The following CKAP2 variants were observed in gnomAD, a reference collection of about 807,000 sequenced individuals.
The protein encoded by CKAP2 is cytoskeleton associated protein 2.
Under a neutral mutation model 58.4 loss-of-function variants are expected in CKAP2, and 46 were observed. The observed-to-expected ratio is 0.79, with a 90% CI of 0.62 to 1.01. The LOEUF (loss-of-function observed/expected upper bound fraction) is 1.01. Among genes scored for constraint, CKAP2 ranks in the 50% least tolerant of loss-of-function variants. The pLI is 0.00. For missense variants in CKAP2, 809 were observed against 796.4 expected, an observed-to-expected ratio of 1.02 and a Z score of -0.19; for synonymous variants, 293 against 280.9, an observed-to-expected ratio of 1.04 and a Z score of -0.43.
At chr13:52,467,781 A>G (rs910955207) in intron 6 of CKAP2, among the ~76,000 whole-genome samples, 1 of 150,664 alleles carries the variant, frequency 6.6e-6, no homozygotes, top group Non-Finnish European at 1.5e-5. Flanking sequence ...AAAGACAGCC[A>G]TTTTTCGTTT....
At chr13:52,462,275 T>A (rs1958597743) in intron 4 of CKAP2, 88 bp from the exon 5 acceptor site, 6 of 1,217,586 alleles carry the variant, frequency 4.9e-6, no homozygotes, top group Non-Finnish European at 3.5e-6. Flanking sequence ...GTAAGATTAC[T>A]TAAAAATATG....
intron 2 of CKAP2, among the ~76,000 whole-genome samples, chr13:52,457,220 A>G (rs1958501745): frequency 6.6e-6 from 1 of 152,198 alleles, no homozygotes; most frequent in East Asian, 1.9e-4. Context: ...TACGTAAATT[A>G]ATTCACAGTC....
chr13:52,456,350 T>C (rs1432977075), intron 1 of CKAP2, among the ~76,000 whole-genome samples, 173 bp from the exon 2 acceptor site: 1 of 152,220 alleles, frequency 6.6e-6, no homozygotes, highest in Non-Finnish European at 1.5e-5. Context: ...AACAGTCTCT[T>C]CTAAGGTGAT....
Position 52,475,147 on chromosome 13 carries a change from A to G in CKAP2, c.*6A>G. On this transcript the variant is annotated 3_prime_UTR_variant, in exon 9 of 9. Coordinates refer to ENST00000258607, the MANE Select transcript of CKAP2 (RefSeq NM_018204.5). ...ATGAGGCTGATACAACATAAGAGAA[A>G]TAAAGCTCTGTTAGGGAATGGGGTT... 6.2e-7 allele frequency: 1 copy of G among 1,610,134 alleles called. No homozygotes were observed. The highest frequency in any genetic ancestry group is 8.5e-7 in the Non-Finnish European group (1 of 1,177,866).
chr13:52,468,226 T>G, intron 6 of CKAP2, 52 bp from the exon 7 acceptor site: 1 of 1,103,910 alleles, frequency 9.1e-7, no homozygotes, highest in Non-Finnish European at 1.3e-6. Context: ...CTAGTTAATG[T>G]CAGAGAAAAT....
rs1466468066 is a variant in CKAP2, at chr13:52,459,414, G to A, written c.156-1485G>A. 6.6e-5 allele frequency among the ~76,000 whole-genome samples: 10 copies of A among 151,988 alleles called. No individual in the cohort carries two copies. The South Asian group carries it at 1.5e-3, about 22-fold the overall frequency. On this transcript the variant is annotated intron_variant, in intron 2 of 8. Coordinates refer to ENST00000258607, the MANE Select transcript of CKAP2 (RefSeq NM_018204.5). Reference sequence around the variant, plus strand: ...CTCAGCTCACTGCAACCTCTGCCTCGTGGGTTCAAGCGATTCTCCTGCCTC... The same window carrying A: ...CTCAGCTCACTGCAACCTCTGCCTCATGGGTTCAAGCGATTCTCCTGCCTC...
At chr13:52,473,514 T>C (rs12871221) in intron 7 of CKAP2, 46,942 of 226,840 alleles carry the variant, frequency 0.21, 5,614 homozygotes, top group South Asian at 0.32. Flanking sequence ...AGTACTCATT[T>C]TTAAGACCCA....
intron 6 of CKAP2, among the ~76,000 whole-genome samples, chr13:52,467,532 ACT>A (rs1238501812): frequency 6.6e-6 from 1 of 151,856 alleles, no homozygotes; most frequent in Non-Finnish European, 1.5e-5. Flanking sequence ...GCATGGTGAA[ACT>A]CTGCCTCTAC....
chr13:52,463,125 A>G (rs1448154267), intron 5 of CKAP2, among the ~76,000 whole-genome samples: 1 of 152,092 alleles, frequency 6.6e-6, no homozygotes, highest in Non-Finnish European at 1.5e-5. Flanking sequence ...TTTAGTAGAG[A>G]CAGGGTTTCA....
In CKAP2 at chr13:52,461,314, A is replaced by C. The variant is rs749598540; in HGVS notation, c.488A>C (p.Gln163Pro). The change falls in exon 4 of 9, where the codon CAA becomes CCA. Residue 163 changes from glutamine to proline, a missense_variant. This residue lies in a region of CKAP2 where 523 missense variants were observed against 492.4 expected (regional missense o/e 1.06). Transcript: ENST00000258607. The stretch of plus-strand genomic sequence containing the variant: ...AAGAAACAAATGACTACAGAAAAAC[A>C]AAAGCAAGATGCTAACATGCCCAAG... Reference protein sequence around the residue: ...SKKKQMTTEKQKQDANMPKKP... With the variant: ...SKKKQMTTEKPKQDANMPKKP... 6.2e-7 allele frequency: 1 copy of C among 1,614,174 alleles called. No homozygotes were observed. The highest frequency in any genetic ancestry group is 8.5e-7 in the Non-Finnish European group (1 of 1,180,030).
intron 4 of CKAP2, 52 bp downstream of exon 4, chr13:52,461,978 T>G (rs943796314): frequency 6.9e-7 from 1 of 1,441,248 alleles, no homozygotes; most frequent in African/African-American, 1.4e-5. Flanking sequence ...AAGTACTGTT[T>G]GTAGATTTGG....
chr13:52,474,487 TCAAAA>T (rs1365668084), intron 8 of CKAP2, among the ~76,000 whole-genome samples: 2 of 152,100 alleles, frequency 1.3e-5, no homozygotes, highest in Non-Finnish European at 2.9e-5. Context: ...AGACCCTGTC[TCAAAA>T]CAAAAAAGAA....
chr13:52,471,926 C>T (rs1271487388), intron 7 of CKAP2, among the ~76,000 whole-genome samples: 1 of 152,128 alleles, frequency 6.6e-6, no homozygotes, highest in African/African-American at 2.4e-5. Context: ...AATGTTCTGT[C>T]ACTCATCTGC....
chr13:52,474,054 A>G lies in CKAP2; in HGVS notation c.1772A>G (p.Tyr591Cys). ...TETRTSCLIK[Y>C]NVSTTPYLQS... ...ACGAGGACAAGTTGCTTAATTAAAT[A>G]TAATGTGTCTACTACGCCATACTTG... Residue 591 changes from tyrosine (Y) to cysteine (C), a missense_variant, in exon 8 of 9, where the codon TAT becomes TGT. Physicochemically the swap from Tyr to Cys is radical, Grantham distance 194 (BLOSUM62 -2). This residue lies in a region of CKAP2 where 283 missense variants were observed against 287.6 expected (regional missense o/e 0.98). Coordinates refer to ENST00000258607, the MANE Select transcript of CKAP2 (RefSeq NM_018204.5). The G allele has an allele frequency of 6.2e-7, 1 of 1,613,930 alleles. No individual in the cohort carries two copies. Among genetic ancestry groups the G allele is most frequent in the South Asian group, 1.1e-5 (1 of 91,070 alleles).
chr13:52,462,592 A>G, intron 5 of CKAP2, 25 bp downstream of exon 5: 1 of 1,569,562 alleles, frequency 6.4e-7, no homozygotes, highest in Non-Finnish European at 8.6e-7. Context: ...TTTGCTTAGC[A>G]TTTTATAGTT....
chr13:52,464,574 ACAAT>A (rs1177996800), intron 5 of CKAP2, among the ~76,000 whole-genome samples: 16 of 143,002 alleles, frequency 1.1e-4, no homozygotes, highest in African/African-American at 3.8e-4. Context: ...AAAAAAAAAA[ACAAT>A]CCCATTCATC....
Position 52,461,739 on chromosome 13 carries a change from C to G in CKAP2, c.913C>G (p.Gln305Glu), listed in dbSNP as rs1386026942. The change falls in exon 4 of 9, where the codon CAA becomes GAA. Residue 305 changes from glutamine to glutamate, a missense_variant. Physicochemically the swap from Gln to Glu is conservative, Grantham distance 29. Around this residue, in one of 3 missense-constraint regions of CKAP2, gnomAD observed 523 missense variants for 492.4 expected, o/e 1.06. Transcript: ENST00000258607. Reference sequence around the variant, plus strand: ...ATCTAGTGTCAAAACCAGTTCTTCTCAAGGTATAATAAGAAATAAGACTCT... The same window carrying G: ...ATCTAGTGTCAAAACCAGTTCTTCTGAAGGTATAATAAGAAATAAGACTCT... ...ALSSVKTSSSQGIIRNKTLSR... is the reference protein window; with the variant it reads ...ALSSVKTSSSEGIIRNKTLSR... 1 of 1,613,562 alleles carries G rather than the reference C, an allele frequency of 6.2e-7. No homozygotes were observed.
chr13:52,465,962 TATATACACAC>T, intron 6 of CKAP2: 3 of 277,298 alleles, frequency 1.1e-5, no homozygotes, highest in South Asian at 3.7e-5. Context: ...TATGCACACA[TATATACACAC>T]ATATATGCAC....
rs772312959 is a variant in CKAP2, at chr13:52,465,356, C to G, written c.1367C>G (p.Ala456Gly). Residue 456 changes from alanine to glycine, a missense_variant, in exon 6 of 9, where the codon GCC becomes GGC. Physicochemically the swap from Ala to Gly is moderately conservative, Grantham distance 60. Around this residue, in one of 3 missense-constraint regions of CKAP2, gnomAD observed 283 missense variants for 287.6 expected, o/e 0.98. Transcript: ENST00000258607. ...LNDLIKNIPD[A>G]KKLVKYWICL... ...GACCTGATTAAAAATATTCCAGATG[C>G]CAAAAAGCTTGTTAAGTATTGGATA... 3 of 1,613,232 alleles carry G rather than the reference C, an allele frequency of 1.9e-6. No individual in the cohort carries two copies. The highest frequency in any genetic ancestry group is 2.5e-6 in the Non-Finnish European group (3 of 1,179,478).
Sources: gnomAD v4.1 joint callset for allele counts (sites outside exome capture counted in the v4.1 genomes callset) on GRCh38, gnomAD v4.1.1 for gene constraint, gnomAD v4.1.1 regional missense constraint, MANE v1.5 for transcripts, NCBI Gene and HGNC (gene_info 2026-07-23, HGNC 2026-07-21) for gene names.